Variants in TEX52 observed in about 807,000 individuals in gnomAD.
The protein encoded by TEX52 is testis-expressed protein 52.
In TEX52, 22 loss-of-function variants were observed where a neutral mutation model predicts 17.6. The observed-to-expected ratio is 1.25, with a 90% CI of 0.89 to 1.78. The LOEUF is 1.78. Among genes scored for constraint, TEX52 ranks in the 40% most tolerant of loss-of-function variants. TEX52 has a pLI of 0.00. For missense variants in TEX52, 396 were observed against 372.3 expected, an observed-to-expected ratio of 1.06 and a Z score of -0.52; for synonymous variants, 168 against 147.4, an observed-to-expected ratio of 1.14 and a Z score of -1.01.
intron 2 of TEX52, among the ~76,000 whole-genome samples, chr12:2,853,180 G>A (rs771913141): frequency 2.0e-5 from 3 of 152,150 alleles, no homozygotes; most frequent in Non-Finnish European, 4.4e-5. Context: ...GCACCTATCA[G>A]CAACTGGCAA....
At chr12:2,851,205 C>T (rs373383036) in intron 2 of TEX52, among the ~76,000 whole-genome samples, 1 of 151,966 alleles carries the variant, frequency 6.6e-6, no homozygotes, top group East Asian at 1.9e-4. Context: ...AGGGCACTTA[C>T]TGTGATGGAG....
chr12:2,853,551 G>T lies in TEX52; in HGVS notation c.623+1345C>A, dbSNP rs144492141. On this transcript the variant is annotated intron_variant, in intron 2 of 2. Coordinates refer to ENST00000637658, the MANE Select transcript of TEX52 (RefSeq NM_001365174.2). The stretch of plus-strand genomic sequence containing the variant: ...GCCTCCCAAAGTGCTGGGATTACAG[G>T]CGTGAGCCACCAGGCCCGGCCTGTT... Among the ~76,000 whole-genome samples the T allele has an allele frequency of 7.4e-3, 1,131 of 152,118 alleles. 15 individuals are homozygous for T. Among genetic ancestry groups the T allele is most frequent in the African/African-American group, 0.026 (1,087 of 41,496 alleles).
chr12:2,854,734 G>A (rs933325493), intron 2 of TEX52, among the ~76,000 whole-genome samples, 162 bp downstream of exon 2: 13 of 152,076 alleles, frequency 8.5e-5, no homozygotes, highest in African/African-American at 2.9e-4. Context: ...TTCCTCCCTT[G>A]TCTCCACCTC....
chr12:2,848,877 G>GCACA (rs3056877), downstream of TEX52, among the ~76,000 whole-genome samples: 24,887 of 140,158 alleles, frequency 0.18, 2,303 homozygotes, highest in Middle Eastern at 0.23. Context: ...ACACACACAC[G>GCACA]CACACACACA....
downstream of TEX52, chr12:2,849,006 C>T (rs1023093149): frequency 1.5e-5 from 8 of 550,690 alleles, no homozygotes; most frequent in Admixed American, 1.0e-4. Context: ...CTCCCACCTT[C>T]GATGAGAGTC....
chr12:2,851,299 A>G (rs1202451866), intron 2 of TEX52, among the ~76,000 whole-genome samples: 1 of 152,150 alleles, frequency 6.6e-6, no homozygotes, highest in Non-Finnish European at 1.5e-5. Flanking sequence ...ATTACTGTAC[A>G]CTACTGTGGA....
At chr12:2,855,529 C>T in intron 1 of TEX52, 83 bp from the exon 2 acceptor site, 2 of 1,064,920 alleles carry the variant, frequency 1.9e-6, no homozygotes, top group Non-Finnish European at 2.5e-6. Flanking sequence ...GCTCTCCTTC[C>T]CAGGCACGAC....
chr12:2,852,666 G>A (rs1050438886), intron 2 of TEX52, among the ~76,000 whole-genome samples: 2 of 152,052 alleles, frequency 1.3e-5, no homozygotes, highest in African/African-American at 4.8e-5. Context: ...TACTCGGCTA[G>A]GCAAGATACT....
intron 2 of TEX52, among the ~76,000 whole-genome samples, chr12:2,852,308 T>C (rs1356896696): frequency 1.3e-5 from 2 of 152,198 alleles, no homozygotes; most frequent in Non-Finnish European, 2.9e-5. Flanking sequence ...CCCTTCTGTA[T>C]GTATGCTAGG....
At chr12:2,849,578 G>C (rs2153928200) in intron 2 of TEX52, 53 bp from the exon 3 acceptor site, 1 of 1,527,322 alleles carries the variant, frequency 6.5e-7, no homozygotes. Flanking sequence ...GAGATCCAGG[G>C]ACAGTGGAGA....
intron 2 of TEX52, among the ~76,000 whole-genome samples, chr12:2,853,845 C>T (rs374280750): frequency 7.9e-4 from 120 of 152,142 alleles, no homozygotes; most frequent in African/African-American, 2.6e-3. Flanking sequence ...TTCCTGGCTC[C>T]GCTCCCGACT....
chr12:2,855,784 T>C (rs2098085377), intron 1 of TEX52, among the ~76,000 whole-genome samples: 1 of 152,142 alleles, frequency 6.6e-6, no homozygotes, highest in African/African-American at 2.4e-5. Context: ...GAACTGGTGC[T>C]CCTTAGAGGG....
At chr12:2,849,790 A>T (rs368327751) in intron 2 of TEX52, among the ~76,000 whole-genome samples, 1 of 152,182 alleles carries the variant, frequency 6.6e-6, no homozygotes, top group African/African-American at 2.4e-5. Context: ...ACTGCATATA[A>T]TATTATGATC....
At chr12:2,855,489 A>G in intron 1 of TEX52, 43 bp from the exon 2 acceptor site, 1 of 1,368,938 alleles carries the variant, frequency 7.3e-7, no homozygotes. Context: ...TTGTGCAGAC[A>G]GGGGTGCAGA....
intron 2 of TEX52, among the ~76,000 whole-genome samples, chr12:2,854,085 G>A (rs778990466): frequency 1.6e-4 from 25 of 152,164 alleles, no homozygotes; most frequent in Middle Eastern, 3.2e-3. Flanking sequence ...GAGTGCAATG[G>A]CACCATCTTG....
Position 2,856,953 on chromosome 12 carries a change from A to C in TEX52, c.72+2T>G. 1.4e-6 allele frequency: 1 copy of C among 702,960 alleles called. No individual in the cohort carries two copies. Among genetic ancestry groups the C allele is most frequent in the Non-Finnish European group, 2.6e-6 (1 of 384,974 alleles). The allele number at this position is 702,960 out of a possible 1,614,324, so 43.5% of individuals were successfully genotyped here. A position where few individuals can be genotyped will look rare whatever the true frequency, so the allele number is the denominator to read the frequency against. On this transcript the variant is annotated splice_donor_variant, in intron 1 of 2. Coordinates refer to ENST00000637658, the MANE Select transcript of TEX52 (RefSeq NM_001365174.2). LOFTEE classifies it high-confidence loss of function. ...AGGCGGCAGAGATGGGCCACCCCCT[A>C]CCTGCAGGAAAGGTTCTTCCATATG... is the stretch of plus-strand genomic sequence containing the variant.
chr12:2,857,000 G>A lies in TEX52; in HGVS notation c.27C>T (p.Leu9=), dbSNP rs775904965. The A allele has an allele frequency of 2.3e-4, 160 of 702,870 alleles. No homozygotes were observed. The highest frequency in any genetic ancestry group is 2.2e-3 in the South Asian group (151 of 67,604). The allele number at this position is 702,870 out of a possible 1,614,324, so 43.5% of individuals were successfully genotyped here. ...TATGAGATGGGTGACTGGGCCCTCT[G>A]AGTGATCTTTGCCGGTTACTGGCCA... MASNRQRS[L]RGPSHPSHME... The change falls in exon 1 of 3, where the codon CTC becomes CTT. Residue 9 remains leucine, a synonymous_variant. Coordinates refer to ENST00000637658, the MANE Select transcript of TEX52 (RefSeq NM_001365174.2).
chr12:2,850,178 GA>G (rs2098065454), intron 2 of TEX52, among the ~76,000 whole-genome samples: 1 of 151,960 alleles, frequency 6.6e-6, no homozygotes. Flanking sequence ...CTCAGCATTT[GA>G]AAAAAGAGCC....
At chr12:2,855,836 C>G (rs2098085551) in intron 1 of TEX52, among the ~76,000 whole-genome samples, 1 of 152,116 alleles carries the variant, frequency 6.6e-6, no homozygotes, top group African/African-American at 2.4e-5. Context: ...ATGCTCCCTA[C>G]CATGCCAAGG....
Sources: gnomAD v4.1 joint callset for allele counts (sites outside exome capture counted in the v4.1 genomes callset) on GRCh38, gnomAD v4.1.1 for gene constraint, MANE v1.5 for transcripts, NCBI Gene and HGNC (gene_info 2026-07-23, HGNC 2026-07-21) for gene names.